Variants in AK3 observed in about 807,000 individuals in gnomAD.
The protein encoded by AK3 is GTP:AMP phosphotransferase AK3, mitochondrial.
In AK3, 27 loss-of-function variants were observed where a neutral mutation model predicts 23.7. That is an observed-to-expected ratio of 1.14 (90% CI 0.84 to 1.57). AK3 has a LOEUF of 1.57. Among genes scored for constraint, AK3 ranks in the 40% most tolerant of loss-of-function variants. The pLI, the probability that AK3 is intolerant of heterozygous loss-of-function variation, is 0.00. For synonymous variants in AK3, 159 were observed against 116.0 expected (o/e 1.37, Z -2.38); for missense variants, 406 against 285.6 (o/e 1.42, Z -3.04).
intron 1 of AK3, among the ~76,000 whole-genome samples, chr9:4,740,103 T>G: frequency 6.6e-6 from 1 of 150,508 alleles, no homozygotes. Flanking sequence ...AAAAAGGCCT[T>G]GTGGAAGCAT....
chr9:4,729,036 A>AT (rs1842093092), intron 1 of AK3, among the ~76,000 whole-genome samples: 1 of 128,936 alleles, frequency 7.8e-6, no homozygotes, highest in African/African-American at 2.9e-5. Flanking sequence ...TTGAGACGGA[A>AT]TTTTGCTCTT....
At chr9:4,721,945 G>A (rs1841908776) in intron 2 of AK3, among the ~76,000 whole-genome samples, 1 of 152,216 alleles carries the variant, frequency 6.6e-6, no homozygotes, top group South Asian at 2.1e-4. Context: ...GTGCACGCGT[G>A]CCTGTGTGCG....
intron 4 of AK3, among the ~76,000 whole-genome samples, chr9:4,715,679 G>A (rs190861133): frequency 7.2e-5 from 11 of 152,252 alleles, no homozygotes; most frequent in Admixed American, 5.2e-4. Context: ...TTACAGGCAT[G>A]AGCCACTGTC....
chr9:4,738,899 G>C (rs375090), intron 1 of AK3, among the ~76,000 whole-genome samples: 1 of 150,900 alleles, frequency 6.6e-6, no homozygotes, highest in Non-Finnish European at 1.5e-5. Context: ...AGCCTCCAGA[G>C]AAGCTGGGAC....
At chr9:4,716,623 C>T (rs1037591551) in intron 4 of AK3, among the ~76,000 whole-genome samples, 2 of 152,088 alleles carry the variant, frequency 1.3e-5, no homozygotes, top group Admixed American at 1.3e-4. Context: ...ATTTTATGCT[C>T]CAGAAAAAAT....
At chr9:4,719,935 G>A (rs1841849451) in intron 2 of AK3, among the ~76,000 whole-genome samples, 1 of 146,296 alleles carries the variant, frequency 6.8e-6, no homozygotes, top group East Asian at 2.0e-4. Context: ...CATGATGGCA[G>A]GTCCCTGTAA....
Position 4,741,125 on chromosome 9 carries a change from G to A in AK3, c.-38C>T, listed in dbSNP as rs1229855804. 6.9e-7 allele frequency: 1 copy of A among 1,459,586 alleles called. No individual in the cohort carries two copies. Among genetic ancestry groups the A allele is most frequent in the Middle Eastern group, 2.3e-4 (1 of 4,270 alleles). 90.4% of individuals were successfully genotyped at this position (1,459,586 alleles called of 1,614,324 possible). A position where few individuals can be genotyped will look rare whatever the true frequency, so the allele number is the denominator to read the frequency against. On this transcript the variant is annotated 5_prime_UTR_variant, in exon 1 of 5. Coordinates refer to ENST00000381809, the MANE Select transcript of AK3 (RefSeq NM_016282.4). ...AGGCCCGCACCGCGCGGGTACCAGG[G>A]CTTTGGCCTGGCCTGCGCGCTCACC...
At chr9:4,716,650 G>T (rs915747596) in intron 4 of AK3, among the ~76,000 whole-genome samples, 8 of 152,174 alleles carry the variant, frequency 5.3e-5, no homozygotes, top group African/African-American at 1.7e-4. Context: ...GGTTTGAAAG[G>T]CCAGGCATGG....
chr9:4,721,875 G>C (rs1031456640), intron 2 of AK3, among the ~76,000 whole-genome samples: 1 of 152,204 alleles, frequency 6.6e-6, no homozygotes, highest in Admixed American at 6.5e-5. Flanking sequence ...CAAGACTTCA[G>C]AACCTTCTTA....
chr9:4,723,200 A>T (rs1841945610), intron 1 of AK3, among the ~76,000 whole-genome samples: 1 of 152,266 alleles, frequency 6.6e-6, no homozygotes, highest in Non-Finnish European at 1.5e-5. Flanking sequence ...TGTTAACAGT[A>T]GTTATTTCTG....
intron 1 of AK3, among the ~76,000 whole-genome samples, chr9:4,723,742 A>G (rs557913352): frequency 6.6e-6 from 1 of 152,354 alleles, no homozygotes; most frequent in South Asian, 2.1e-4. Context: ...AAATAAATAT[A>G]TAAAACTACA....
chr9:4,724,177 C>T (rs1046326388), intron 1 of AK3, among the ~76,000 whole-genome samples: 1 of 151,952 alleles, frequency 6.6e-6, no homozygotes, highest in Non-Finnish European at 1.5e-5. Context: ...CAGCCTTATA[C>T]TTAATGTGTG....
intron 1 of AK3, among the ~76,000 whole-genome samples, chr9:4,733,462 G>A (rs1291842621): frequency 6.6e-6 from 1 of 152,102 alleles, no homozygotes; most frequent in Admixed American, 6.5e-5. Context: ...TCTGGTGATG[G>A]GTAAATCATG....
chr9:4,734,428 C>A (rs966195913), intron 1 of AK3, among the ~76,000 whole-genome samples: 1 of 152,218 alleles, frequency 6.6e-6, no homozygotes, highest in Non-Finnish European at 1.5e-5. Context: ...CTAGTGAAAT[C>A]AGTTGCTCTC....
chr9:4,731,574 T>A (rs369945663), intron 1 of AK3, among the ~76,000 whole-genome samples: 5 of 146,644 alleles, frequency 3.4e-5, no homozygotes, highest in South Asian at 2.2e-4. Context: ...GAAGCTTACT[T>A]AAAAAAAAAA....
chr9:4,721,571 G>C (rs1457684480), intron 2 of AK3, among the ~76,000 whole-genome samples: 1 of 125,708 alleles, frequency 8.0e-6, no homozygotes, highest in African/African-American at 3.4e-5. Flanking sequence ...CAATTCCCCT[G>C]TCTCAGCCTC....
At chr9:4,725,019 CTCT>C (rs779485625) in intron 1 of AK3, among the ~76,000 whole-genome samples, 3,257 of 53,308 alleles carry the variant, frequency 0.061, 62 homozygotes, top group Non-Finnish European at 0.12. Context: ...AGCTACTAAA[CTCT>C]TTTTTTTTTT....
chr9:4,739,762 G>T (rs1217197197), intron 1 of AK3, among the ~76,000 whole-genome samples: 3 of 151,804 alleles, frequency 2.0e-5, no homozygotes, highest in African/African-American at 4.8e-5. Context: ...AAACCCCATC[G>T]CTACTAAAAA....
At chr9:4,724,924 T>C (rs1472315596) in intron 1 of AK3, among the ~76,000 whole-genome samples, 1 of 151,572 alleles carries the variant, frequency 6.6e-6, no homozygotes. Context: ...CAAATAAATA[T>C]CCAGATGAAA....
Sources: allele counts gnomAD v4.1 joint callset (sites outside exome capture counted in the v4.1 genomes callset), GRCh38; gene constraint gnomAD v4.1.1; transcripts MANE v1.5; gene names NCBI Gene and HGNC (gene_info 2026-07-23, HGNC 2026-07-21).